Variants in AOPEP observed in about 807,000 individuals in gnomAD.
AOPEP encodes aminopeptidase O.
AOPEP carries 77 observed loss-of-function variants against 98.1 expected under a neutral mutation model. That is an observed-to-expected ratio of 0.78 (90% CI 0.65 to 0.95). AOPEP has a LOEUF of 0.95. AOPEP is among the 40% of genes least tolerant of loss of function. The probability of loss-of-function intolerance (pLI) is 0.00; values close to 1 mark genes in which losing one functional copy is unlikely to be tolerated. For synonymous variants in AOPEP, 346 were observed against 365.3 expected, an observed-to-expected ratio of 0.95 and a Z score of 0.60; for missense variants, 1,024 against 1,024.7, an observed-to-expected ratio of 1.00 and a Z score of 0.01.
At chr9:94,735,378 G>A (rs1220421708) in intron 1 of AOPEP, among the ~76,000 whole-genome samples, 11 of 152,056 alleles carry the variant, frequency 7.2e-5, no homozygotes, top group African/African-American at 1.2e-4. Context: ...TCACCACCAC[G>A]CCCGGCTAAT....
At chr9:94,932,786 G>C (rs1195327544) in intron 7 of AOPEP, 18 of 985,218 alleles carry the variant, frequency 1.8e-5, no homozygotes, top group Non-Finnish European at 2.0e-5. Context: ...GCCCAGCCCA[G>C]ATGTTTCTTA....
At chr9:94,978,537 C>T (rs1462046277) in intron 10 of AOPEP, among the ~76,000 whole-genome samples, 1 of 152,056 alleles carries the variant, frequency 6.6e-6, no homozygotes, top group Non-Finnish European at 1.5e-5. Context: ...GGGCGTGTGA[C>T]AGATGTTATG....
intron 5 of AOPEP, among the ~76,000 whole-genome samples, chr9:94,910,041 G>A (rs2051786438): frequency 6.6e-6 from 1 of 152,172 alleles, no homozygotes; most frequent in African/African-American, 2.4e-5. Context: ...CCCCATTTCG[G>A]TTGCGGCAAG....
the AOPEP span, among the ~76,000 whole-genome samples, chr9:95,105,631 A>G: frequency 1.3e-5 from 2 of 151,982 alleles, no homozygotes; most frequent in Admixed American, 1.3e-4. Flanking sequence ...GCCCCTTTCC[A>G]TGATCCCCAC....
the AOPEP span, among the ~76,000 whole-genome samples, chr9:95,104,407 C>T: frequency 2.6e-5 from 4 of 152,114 alleles, no homozygotes; most frequent in African/African-American, 7.2e-5. Context: ...TTCTCTGTGG[C>T]GGAACTGACT....
chr9:94,988,954 G>T (rs2060692685), intron 11 of AOPEP, among the ~76,000 whole-genome samples: 1 of 150,202 alleles, frequency 6.7e-6, no homozygotes, highest in African/African-American at 2.5e-5. Flanking sequence ...TGTCGCCCAG[G>T]CTGAAGTGCA....
chr9:94,945,513 C>G (rs2057517008), intron 7 of AOPEP, among the ~76,000 whole-genome samples: 1 of 152,168 alleles, frequency 6.6e-6, no homozygotes, highest in South Asian at 2.1e-4. Context: ...AAGAGAGCTC[C>G]TCTGCTGAGG....
intron 5 of AOPEP, among the ~76,000 whole-genome samples, chr9:94,803,655 T>G (rs1848647881): frequency 6.6e-6 from 1 of 152,220 alleles, no homozygotes; most frequent in South Asian, 2.1e-4. Context: ...TCGAATGCTT[T>G]TCAAACATGG....
At chr9:94,942,114 A>G (rs1235308882) in intron 7 of AOPEP, among the ~76,000 whole-genome samples, 1 of 152,194 alleles carries the variant, frequency 6.6e-6, no homozygotes, top group African/African-American at 2.4e-5. Flanking sequence ...TTTCGTACAA[A>G]ATTATTCATG....
intron 3 of AOPEP, among the ~76,000 whole-genome samples, chr9:94,775,293 T>C (rs920393278): frequency 2.0e-5 from 3 of 152,142 alleles, no homozygotes; most frequent in African/African-American, 7.2e-5. Flanking sequence ...GGATCATTTA[T>C]TGAATTTTTA....
intron 5 of AOPEP, among the ~76,000 whole-genome samples, chr9:94,909,267 T>C (rs1260795922): frequency 1.4e-5 from 2 of 145,066 alleles, no homozygotes; most frequent in Non-Finnish European, 3.0e-5. Flanking sequence ...GCATTGAGCG[T>C]CAGCATAATC....
At chr9:94,786,315 A>T (rs11788772) in intron 3 of AOPEP, among the ~76,000 whole-genome samples, 16 of 152,234 alleles carry the variant, frequency 1.1e-4, no homozygotes, top group Non-Finnish European at 2.2e-4. Context: ...AAATTAAGTG[A>T]TGTGCCCAAA....
At chr9:95,080,409 T>C (rs1293895262) in intron 14 of AOPEP, among the ~76,000 whole-genome samples, 1 of 151,934 alleles carries the variant, frequency 6.6e-6, no homozygotes, top group Non-Finnish European at 1.5e-5. Flanking sequence ...CCCAGCTACT[T>C]GGGAGGCTGA....
Position 94,999,137 on chromosome 9 carries a change from T to TA in AOPEP, c.1978-6012dup, listed in dbSNP as rs201082999. Among the ~76,000 whole-genome samples the TA allele has an allele frequency of 7.9e-3, 1,180 of 149,972 alleles. 19 individuals are homozygous for TA. The highest frequency in any genetic ancestry group is 7.5e-3 in the Non-Finnish European group (505 of 67,372). ...TCCCATCCAAAGAGAAAAAGGAAAT[T>TA]AAAAAAAAACAAAAAACCCCAAAAA... On this transcript the variant is annotated intron_variant, in intron 11 of 16. Coordinates refer to ENST00000375315, the MANE Select transcript of AOPEP (RefSeq NM_001193329.3).
intron 14 of AOPEP, among the ~76,000 whole-genome samples, chr9:95,076,642 T>C (rs528188623): frequency 6.2e-4 from 94 of 152,330 alleles, no homozygotes; most frequent in African/African-American, 2.2e-3. Context: ...CATGAAGTTA[T>C]CTTTGTTAGG....
chr9:94,823,507 T>G (rs559388732), intron 5 of AOPEP, among the ~76,000 whole-genome samples: 2 of 152,310 alleles, frequency 1.3e-5, no homozygotes, highest in South Asian at 4.1e-4. Flanking sequence ...TTCTAGAGCA[T>G]GTTCACCTCC....
In AOPEP at chr9:94,814,810, G is replaced by C. The variant is rs4744376; in HGVS notation, c.1364+13808G>C. Among the ~76,000 whole-genome samples, 4 of 152,230 alleles carry C rather than the reference G, an allele frequency of 2.6e-5. No individual in the cohort carries two copies. In the East Asian group the frequency reaches 5.8e-4, roughly 22 times the overall value. On this transcript the variant is annotated intron_variant, in intron 5 of 16. Coordinates refer to ENST00000375315, the MANE Select transcript of AOPEP (RefSeq NM_001193329.3). ...GCATAAGGATTTTGCACTGTCGGAC[G>C]TAAGGGAATTACAGCCTCATTAATG... is the stretch of plus-strand genomic sequence containing the variant.
At chr9:94,946,800 G>A (rs1392063568) in intron 7 of AOPEP, among the ~76,000 whole-genome samples, 1 of 152,030 alleles carries the variant, frequency 6.6e-6, no homozygotes, top group East Asian at 1.9e-4. Flanking sequence ...GTTGACAGTG[G>A]TCTTCTCCAA....
Position 94,800,903 on chromosome 9 carries a change from C to T in AOPEP, c.1265C>T (p.Pro422Leu), listed in dbSNP as rs765005389. 4 of 1,614,042 alleles carry T rather than the reference C, an allele frequency of 2.5e-6. No individual in the cohort carries two copies. The highest frequency in any genetic ancestry group is 3.4e-6 in the Non-Finnish European group (4 of 1,180,034). ...GAGACCCTTCTGCGGCTGATCCCTC[C>T]TTGCCTCTCAGCAGCACATTCTGTT... ...CQETLLRLIP[P>L]CLSAAHSVLG... Residue 422 changes from proline (P) to leucine (L), a missense_variant, in exon 5 of 17, where the codon CCT (proline) becomes CTT (leucine). Pro to Leu is a moderately conservative substitution (Grantham distance 98, BLOSUM62 -3). Around this residue, in one of 3 missense-constraint regions of AOPEP, gnomAD observed 566 missense variants for 551.7 expected, o/e 1.03. Coordinates refer to ENST00000375315, the MANE Select transcript of AOPEP (RefSeq NM_001193329.3).
Sources: allele counts gnomAD v4.1 joint callset (sites outside exome capture counted in the v4.1 genomes callset), GRCh38; gene constraint gnomAD v4.1.1; regional missense constraint gnomAD v4.1.1; transcripts MANE v1.5; gene names NCBI Gene and HGNC (gene_info 2026-07-23, HGNC 2026-07-21).